FARP1: variants seen among roughly 807,000 people sequenced by gnomAD.
FARP1 encodes the protein FERM, ARHGEF and pleckstrin domain-containing protein 1.
A neutral mutation model predicts 128.8 loss-of-function variants in FARP1; 52 were observed. The ratio of observed to expected loss-of-function variants is 0.40; its 90% CI spans 0.32 to 0.51. FARP1 has a LOEUF of 0.51. Ranked by LOEUF, FARP1 falls within the 20% of genes least tolerant of loss-of-function variation. The pLI is 0.45. For synonymous variants in FARP1, 580 were observed against 551.8 expected (o/e 1.05, Z -0.72); for missense variants, 1,333 against 1,367.9 (o/e 0.97, Z 0.40).
At chr13:98,215,966 T>C (rs1881037961) in intron 2 of FARP1, among the ~76,000 whole-genome samples, 5 of 152,224 alleles carry the variant, frequency 3.3e-5, no homozygotes, top group Admixed American at 3.3e-4. Flanking sequence ...AATTTTTGTG[T>C]TTTTAGTAGA....
At chr13:98,446,916 C>G in intron 26 of FARP1, 99 bp downstream of exon 26, 1 of 1,303,358 alleles carries the variant, frequency 7.7e-7, no homozygotes, top group East Asian at 2.3e-5. Context: ...TGGCCCCACC[C>G]TTCCCTGCCA....
chr13:98,170,744 G>A (rs1230378286), intron 1 of FARP1, among the ~76,000 whole-genome samples: 2 of 151,566 alleles, frequency 1.3e-5, no homozygotes, highest in African/African-American at 2.4e-5. Flanking sequence ...TGCCCACCTC[G>A]GCCTCCCAAA....
At chr13:98,307,858 A>G (rs1340718333) in intron 2 of FARP1, among the ~76,000 whole-genome samples, 2 of 152,048 alleles carry the variant, frequency 1.3e-5, no homozygotes, top group Admixed American at 1.3e-4. Flanking sequence ...TTGGAAAAAA[A>G]ACTATCAGTG....
intron 1 of FARP1, among the ~76,000 whole-genome samples, chr13:98,166,264 A>T (rs1012319360): frequency 4.6e-5 from 7 of 152,210 alleles, no homozygotes; most frequent in Admixed American, 4.6e-4. Flanking sequence ...ACCACACTGA[A>T]GATGGGTGAT....
At position 98,449,772 on chromosome 13, in the gene FARP1, A is replaced by AACTT. The variant is rs1303279153; in HGVS notation, c.*1456_*1459dup. ...ATTGATGTTTTAAGGCAAAACAACC[A>AACTT]ACTTTGTCTGTAGTCTTCATTTTCT... On this transcript the variant is annotated 3_prime_UTR_variant, in exon 27 of 27. Transcript: ENST00000319562. 1.3e-5 allele frequency: 2 copies of AACTT among 149,970 alleles called. No homozygotes were observed. Among genetic ancestry groups the AACTT allele is most frequent in the African/African-American group, 2.5e-5 (1 of 40,804 alleles). 9.3% of individuals were successfully genotyped at this position (149,970 alleles called of 1,614,324 possible).
Position 98,176,538 on chromosome 13 carries a change from A to T in FARP1, c.-24+33046A>T. On this transcript the variant is annotated intron_variant, in intron 1 of 26. Coordinates refer to ENST00000319562, the MANE Select transcript of FARP1 (RefSeq NM_005766.4). This position sits in a 1 kb window ranked among gnomAD's most constrained non-coding sequence, Gnocchi z 6.2. ...TTTCGTCCTCGCAGATACAGTAGCG[A>T]CCCTCTTCAAGCTCCCGTTCAATCT... The T allele has an allele frequency of 6.2e-7, 1 of 1,613,888 alleles. No homozygotes were observed. Among genetic ancestry groups the T allele is most frequent in the South Asian group, 1.1e-5 (1 of 91,052 alleles).
intron 2 of FARP1, among the ~76,000 whole-genome samples, chr13:98,260,807 G>A (rs1536902): frequency 2.6e-5 from 4 of 152,048 alleles, no homozygotes; most frequent in African/African-American, 9.7e-5. Flanking sequence ...TCTGCTTCTC[G>A]TCAGGTTTTC....
chr13:98,149,885 C>T (rs1236684606), intron 1 of FARP1, among the ~76,000 whole-genome samples: 2 of 146,552 alleles, frequency 1.4e-5, no homozygotes, highest in Non-Finnish European at 3.0e-5. Context: ...CTACAGGCAC[C>T]CGCCACCATG....
intron 13 of FARP1, chr13:98,396,360 G>T: frequency 2.5e-6 from 1 of 399,154 alleles, no homozygotes; most frequent in Non-Finnish European, 4.4e-6. Context: ...CCGGGAGTCA[G>T]CCCCTCATAT....
intron 2 of FARP1, among the ~76,000 whole-genome samples, chr13:98,242,612 G>A (rs1882838122): frequency 6.6e-6 from 1 of 152,198 alleles, no homozygotes; most frequent in Non-Finnish European, 1.5e-5. Context: ...CAAGGAGGTT[G>A]ATGCTGCAGA....
intron 2 of FARP1, among the ~76,000 whole-genome samples, chr13:98,256,705 A>G (rs1024011458): frequency 2.0e-5 from 3 of 151,424 alleles, no homozygotes; most frequent in Admixed American, 2.0e-4. Context: ...GATTACAGGC[A>G]TATGCTACCA....
intron 24 of FARP1, among the ~76,000 whole-genome samples, chr13:98,444,700 G>A (rs534115005): frequency 4.0e-4 from 61 of 152,200 alleles, no homozygotes; most frequent in African/African-American, 7.7e-4. Flanking sequence ...GCTAGAGAGC[G>A]CTAAGGAAGC....
intron 26 of FARP1, chr13:98,447,791 G>C (rs2139185974): frequency 1.2e-5 from 2 of 168,282 alleles, no homozygotes; most frequent in Middle Eastern, 5.7e-3. Flanking sequence ...GCTACAGTGG[G>C]CGATAACTGC....
At position 98,261,462 on chromosome 13, in the gene FARP1, A is replaced by T. The variant is rs1205858055; in HGVS notation, c.171+48049A>T. Among the ~76,000 whole-genome samples the T allele has an allele frequency of 4.0e-5, 6 of 151,386 alleles. 1 individual carries two copies. The highest frequency in any genetic ancestry group is 1.9e-4 in the East Asian group (1 of 5,154). On this transcript the variant is annotated intron_variant, in intron 2 of 26. Transcript: ENST00000319562. ...CTCCCCTCCTCCCTTCGTTGACCAG[A>T]TCACATTCCTCTCTATAGATTTCAG... is the stretch of plus-strand genomic sequence containing the variant.
chr13:98,409,639 T>C (rs147601952), intron 14 of FARP1, 114 bp downstream of exon 14: 17,019 of 936,130 alleles, frequency 0.018, 239 homozygotes, highest in South Asian at 0.045. Context: ...GTGAGCCATT[T>C]TCAAGTGTAC....
chr13:98,345,934 G>A (rs2139885495), intron 3 of FARP1, among the ~76,000 whole-genome samples: 1 of 152,270 alleles, frequency 6.6e-6, no homozygotes, highest in African/African-American at 2.4e-5. Context: ...TAACTGCCAG[G>A]CACCGTGCTA....
intron 2 of FARP1, among the ~76,000 whole-genome samples, chr13:98,271,748 C>G (rs1209212255): frequency 6.6e-6 from 1 of 152,142 alleles, no homozygotes; most frequent in African/African-American, 2.4e-5. Flanking sequence ...AACTCATTCT[C>G]TTTTAAGGCT....
intron 1 of FARP1, among the ~76,000 whole-genome samples, chr13:98,186,803 C>A (rs1265787398): frequency 6.6e-5 from 10 of 151,342 alleles, no homozygotes; most frequent in Non-Finnish European, 4.4e-5. Flanking sequence ...AGTAGCCTGG[C>A]CAACGTGGTG....
intron 1 of FARP1, among the ~76,000 whole-genome samples, chr13:98,153,558 T>TTA (rs71111923): frequency 0.43 from 50,368 of 115,914 alleles, 11,513 homozygotes; most frequent in East Asian, 0.55. Flanking sequence ...AAATATATAT[T>TTA]TATATATATT....
Sources: allele counts gnomAD v4.1 joint callset (sites outside exome capture counted in the v4.1 genomes callset), GRCh38; gene constraint gnomAD v4.1.1; non-coding constraint Gnocchi (gnomAD v3.1); transcripts MANE v1.5; gene names NCBI Gene and HGNC (gene_info 2026-07-23, HGNC 2026-07-21).